ESR1: variants seen among roughly 807,000 people sequenced by gnomAD.
The protein encoded by ESR1 is estrogen receptor.
Under a neutral mutation model 52.7 loss-of-function variants are expected in ESR1, and 12 were observed. The observed-to-expected ratio is 0.23, with a 90% CI of 0.15 to 0.37. The LOEUF is 0.37. Ranked by LOEUF, ESR1 falls within the 10% of genes least tolerant of loss-of-function variation. The pLI is 1.00. For synonymous variants in ESR1, 305 were observed against 316.8 expected (o/e 0.96, Z 0.39); for missense variants, 584 against 779.7 (o/e 0.75, Z 2.99).
At chr6:151,961,844 C>T (rs2037710735) in intron 4 of ESR1, among the ~76,000 whole-genome samples, 1 of 152,112 alleles carries the variant, frequency 6.6e-6, no homozygotes, top group African/African-American at 2.4e-5. Context: ...CGTTACAAGC[C>T]CACCCGGTGT....
At chr6:151,799,349 T>C (rs1225411320) in intron 2 of ESR1, among the ~76,000 whole-genome samples, 1 of 152,228 alleles carries the variant, frequency 6.6e-6, no homozygotes, top group African/African-American at 2.4e-5. Flanking sequence ...AATTGTCTAT[T>C]GTGTGAAAAG....
rs537504413 is a variant in ESR1, at chr6:151,824,024, C to G, written c.452+15660C>G. Reference sequence around the variant, plus strand: ...GCTGGGTCAAATGGTATTTCTAGTTCTAGATCCCTGAGGAATCGCCACACT... The same window carrying G: ...GCTGGGTCAAATGGTATTTCTAGTTGTAGATCCCTGAGGAATCGCCACACT... On this transcript the variant is annotated intron_variant, in intron 1 of 7. Coordinates refer to ENST00000206249, the MANE Select transcript of ESR1 (RefSeq NM_000125.4). Among the ~76,000 whole-genome samples, 358 of 152,180 alleles carry G rather than the reference C, an allele frequency of 2.4e-3. 2 individuals carry two copies. The highest frequency in any genetic ancestry group is 2.9e-3 in the Non-Finnish European group (194 of 68,016).
At position 151,808,305 on chromosome 6, in the gene ESR1, C is replaced by T. The variant is rs772235465; in HGVS notation, c.393C>T (p.Tyr131=). Residue 131 remains tyrosine, a synonymous_variant, in exon 1 of 8, where the codon TAC becomes TAT. Coordinates refer to ENST00000206249, the MANE Select transcript of ESR1 (RefSeq NM_000125.4). ...CCCACGGCCAGCAGGTGCCCTACTA[C>T]CTGGAGAACGAGCCCAGCGGCTACA... The part of the protein sequence containing the change: ...LQPHGQQVPY[Y]LENEPSGYTV... The T allele has an allele frequency of 8.3e-6, 13 of 1,570,650 alleles. No homozygotes were observed. In the Admixed American group the frequency reaches 2.2e-4, roughly 26 times the overall value.
chr6:151,981,584 A>G (rs2039997045), intron 4 of ESR1, among the ~76,000 whole-genome samples: 2 of 152,222 alleles, frequency 1.3e-5, no homozygotes, highest in South Asian at 2.1e-4. Context: ...AACATAAGGC[A>G]TTGTTTGATG....
chr6:151,960,296 C>A (rs1241058034), intron 4 of ESR1, among the ~76,000 whole-genome samples: 1 of 152,162 alleles, frequency 6.6e-6, no homozygotes, highest in Non-Finnish European at 1.5e-5. Flanking sequence ...AGAAAGAAAG[C>A]AAACATGGTG....
At chr6:151,949,166 C>A (rs2036047293) in intron 4 of ESR1, among the ~76,000 whole-genome samples, 2 of 152,122 alleles carry the variant, frequency 1.3e-5, no homozygotes, top group Non-Finnish European at 2.9e-5. Flanking sequence ...TTGTAAGGGA[C>A]AGAGAAACAG....
intron 3 of ESR1, among the ~76,000 whole-genome samples, chr6:151,920,746 A>G (rs2031476659): frequency 6.6e-6 from 1 of 152,078 alleles, no homozygotes; most frequent in Non-Finnish European, 1.5e-5. Flanking sequence ...ACAGAGGTTA[A>G]GTGTGATTGT....
At chr6:152,034,279 A>C (rs1402561146) in intron 5 of ESR1, among the ~76,000 whole-genome samples, 1 of 118,832 alleles carries the variant, frequency 8.4e-6, no homozygotes, top group African/African-American at 3.3e-5. Context: ...CCTAAAACTT[A>C]AAGTACAATA....
At chr6:152,018,229 A>AG in intron 5 of ESR1, among the ~76,000 whole-genome samples, 1 of 151,974 alleles carries the variant, frequency 6.6e-6, no homozygotes, top group Non-Finnish European at 1.5e-5. Context: ...CATTTTAAAT[A>AG]GAAAAAAAAA....
intron 1 of ESR1, among the ~76,000 whole-genome samples, chr6:151,694,182 T>C (rs1189800547): frequency 6.6e-6 from 1 of 152,188 alleles, no homozygotes; most frequent in East Asian, 1.9e-4. Flanking sequence ...ATGCCCAATA[T>C]TACACAGCTT....
chr6:151,677,695 T>C (rs1778298490), intron 1 of ESR1, among the ~76,000 whole-genome samples: 1 of 152,236 alleles, frequency 6.6e-6, no homozygotes, highest in Non-Finnish European at 1.5e-5. Context: ...ATTGATTTTA[T>C]TTTTCCTTTG....
intron 1 of ESR1, among the ~76,000 whole-genome samples, chr6:151,682,829 G>A (rs1778509808): frequency 6.6e-6 from 1 of 152,108 alleles, no homozygotes; most frequent in Admixed American, 6.5e-5. Context: ...AATCCCCTGG[G>A]GACCCCCCAT....
At chr6:151,932,929 C>T (rs12193097) in intron 3 of ESR1, among the ~76,000 whole-genome samples, 35,765 of 149,516 alleles carry the variant, frequency 0.24, 5,783 homozygotes, top group Non-Finnish European at 0.35. Flanking sequence ...ATTGACTTGG[C>T]GATGTGGGCT....
chr6:151,899,029 C>T, intron 3 of ESR1, among the ~76,000 whole-genome samples: 1 of 149,156 alleles, frequency 6.7e-6, no homozygotes. Flanking sequence ...GGGCGGGGGG[C>T]TGAACCCCCA....
At chr6:151,817,077 G>T (rs1239053814) in intron 1 of ESR1, among the ~76,000 whole-genome samples, 1 of 152,134 alleles carries the variant, frequency 6.6e-6, no homozygotes, top group African/African-American at 2.4e-5. Context: ...GGAAAAATGG[G>T]AACTGTGAGA....
chr6:152,115,910 C>A (rs2051204903), intron 6 of ESR1, among the ~76,000 whole-genome samples: 2 of 152,166 alleles, frequency 1.3e-5, no homozygotes, highest in African/African-American at 4.8e-5. Flanking sequence ...GCCTGGGGAC[C>A]TTCAAGTAAC....
At chr6:151,763,055 A>G (rs1405677338) in intron 2 of ESR1, among the ~76,000 whole-genome samples, 1 of 151,762 alleles carries the variant, frequency 6.6e-6, no homozygotes, top group African/African-American at 2.4e-5. Context: ...AAATACATAA[A>G]GTAAATATAT....
chr6:152,030,405 G>A (rs1270302478), intron 5 of ESR1, among the ~76,000 whole-genome samples: 1 of 152,024 alleles, frequency 6.6e-6, no homozygotes, highest in Non-Finnish European at 1.5e-5. Context: ...CTCACGTGCA[G>A]AGACACACAT....
downstream of ESR1, among the ~76,000 whole-genome samples, chr6:152,107,253 A>G (rs144577353): frequency 3.4e-4 from 52 of 152,110 alleles, no homozygotes; most frequent in East Asian, 4.6e-3. Context: ...CTTGATGTCA[A>G]TCCCACAAAT....
Sources: gnomAD v4.1 joint callset for allele counts (sites outside exome capture counted in the v4.1 genomes callset) on GRCh38, gnomAD v4.1.1 for gene constraint, MANE v1.5 for transcripts, NCBI Gene and HGNC (gene_info 2026-07-23, HGNC 2026-07-21) for gene names.